Variants in ADAMTS13 observed in about 807,000 individuals in gnomAD.
The protein encoded by ADAMTS13 is ADAM metallopeptidase with thrombospondin type 1 motif 13.
ADAMTS13 carries 110 observed loss-of-function variants against 155.1 expected under a neutral mutation model. The ratio of observed to expected loss-of-function variants is 0.71; its 90% CI spans 0.61 to 0.83. The LOEUF (loss-of-function observed/expected upper bound fraction) is 0.83, where lower values mean the gene tolerates loss of function less well. ADAMTS13 is among the 40% of genes least tolerant of loss of function. The pLI is 0.00. For synonymous variants in ADAMTS13, 758 were observed against 756.4 expected (o/e 1.00, Z -0.03); for missense variants, 1,707 against 1,891.7 (o/e 0.90, Z 1.81).
Position 133,440,955 on chromosome 9 carries a change from G to A in ADAMTS13, c.1968+430G>A, listed in dbSNP as rs928933302. 1.3e-5 allele frequency among the ~76,000 whole-genome samples: 2 copies of A among 152,166 alleles called. No individual in the cohort carries two copies. The highest frequency in any genetic ancestry group is 2.9e-5 in the Non-Finnish European group (2 of 68,030). ...AGGTCCTACTGTGTGGGTTTGTGGG[G>A]AGATGAAGGCATGGACGCAGGTGCA... On this transcript the variant is annotated intron_variant, in intron 16 of 28. Transcript: ENST00000355699. The surrounding 1 kb of genome is among the most constrained non-coding windows in gnomAD (Gnocchi z 4.3).
upstream of ADAMTS13, chr9:133,417,739 T>C (rs1210758777): frequency 3.7e-6 from 6 of 1,613,670 alleles, no homozygotes; most frequent in Non-Finnish European, 5.1e-6. Context: ...TTCCAAAACC[T>C]TTTTTTCTTC....
At chr9:133,437,957 C>CTGGGGGCAGGTTGG in intron 13 of ADAMTS13, 60 bp downstream of exon 13, 4 of 1,609,264 alleles carry the variant, frequency 2.5e-6, no homozygotes, top group Non-Finnish European at 3.4e-6. Flanking sequence ...CGGAAGGCTC[C>CTGGGGGCAGGTTGG]TGGGGGCAGG....
intron 13 of ADAMTS13, 64 bp downstream of exon 13, chr9:133,437,961 G>A: frequency 1.2e-6 from 2 of 1,608,328 alleles, no homozygotes; most frequent in East Asian, 4.5e-5. Context: ...AGGCTCCTGG[G>A]GGCAGGTTGG....
At chr9:133,446,531 G>T (rs1052880895) in intron 21 of ADAMTS13, among the ~76,000 whole-genome samples, 1 of 152,236 alleles carries the variant, frequency 6.6e-6, no homozygotes, top group East Asian at 1.9e-4. Flanking sequence ...GGCTGAAAAA[G>T]ATTCCATTGT....
At chr9:133,415,486 G>A (rs1279831633) in intron 1 of ADAMTS13, among the ~76,000 whole-genome samples, 1 of 151,590 alleles carries the variant, frequency 6.6e-6, no homozygotes, top group African/African-American at 2.4e-5. Flanking sequence ...TGTCATAAAT[G>A]AAAAGAAAAG....
In ADAMTS13 at chr9:133,459,204, G is replaced by A. The variant is rs1554797231; in HGVS notation, c.*24G>A. On this transcript the variant is annotated 3_prime_UTR_variant, in exon 29 of 29. Coordinates refer to ENST00000355699, the MANE Select transcript of ADAMTS13 (RefSeq NM_139027.6). The stretch of plus-strand genomic sequence containing the variant: ...GAGGGTCATTGAACATTTGTTCCGT[G>A]TCTGGCCAGCCCTGGAGGGTTGACC... 6.3e-7 allele frequency: 1 copy of A among 1,585,830 alleles called. No homozygotes were observed. Among genetic ancestry groups the A allele is most frequent in the Non-Finnish European group, 8.6e-7 (1 of 1,165,230 alleles).
Position 133,456,958 on chromosome 9 carries a change from A to C in ADAMTS13, c.3724+239A>C. The C allele has an allele frequency of 1.5e-6, 1 of 652,792 alleles. No homozygotes were observed. The highest frequency in any genetic ancestry group is 2.8e-6 in the Non-Finnish European group (1 of 356,152). 40.4% of individuals were successfully genotyped at this position (652,792 alleles called of 1,614,324 possible). Reference sequence around the variant, plus strand: ...GTGCAGCAAGATGGACGGATGTGGGACATGGTCCACATCCTCAGTCAGTCC... The same window carrying C: ...GTGCAGCAAGATGGACGGATGTGGGCCATGGTCCACATCCTCAGTCAGTCC... On this transcript the variant is annotated intron_variant, in intron 27 of 28. Transcript: ENST00000355699. The surrounding 1 kb of genome is among the most constrained non-coding windows in gnomAD (Gnocchi z 4.4).
intron 13 of ADAMTS13, 146 bp downstream of exon 13, chr9:133,438,043 G>A: frequency 6.6e-7 from 1 of 1,521,034 alleles, no homozygotes; most frequent in South Asian, 1.1e-5. Flanking sequence ...ATCTGGACTT[G>A]GAGTCAGCCT....
At chr9:133,436,115 C>A (rs1046398599) in intron 11 of ADAMTS13, among the ~76,000 whole-genome samples, 2 of 149,978 alleles carry the variant, frequency 1.3e-5, no homozygotes, top group African/African-American at 4.9e-5. Flanking sequence ...TGGCGCCCGG[C>A]CTGTTTTCTG....
chr9:133,456,056 G>A lies in ADAMTS13; in HGVS notation c.3401-13G>A. ...GGGAAGCACTGCTTACCTGTCTCCT[G>A]CTCCCTTTTCAGGTGCCTGTGGCAG... is the stretch of plus-strand genomic sequence containing the variant. On this transcript the variant is annotated splice_polypyrimidine_tract_variant and intron_variant, in intron 25 of 28. Transcript: ENST00000355699. The surrounding 1 kb of genome is among the most constrained non-coding windows in gnomAD (Gnocchi z 4.4). The A allele has an allele frequency of 6.2e-7, 1 of 1,613,164 alleles. No individual in the cohort carries two copies. Among genetic ancestry groups the A allele is most frequent in the Non-Finnish European group, 8.5e-7 (1 of 1,180,026 alleles).
chr9:133,418,815 G>A (rs185456754), upstream of ADAMTS13, among the ~76,000 whole-genome samples: 157 of 152,332 alleles, frequency 1.0e-3, no homozygotes, highest in African/African-American at 3.3e-3. Flanking sequence ...AGGGCGCGGC[G>A]CCGGGCTGTC....
Position 133,441,131 on chromosome 9 carries a change from G to A in ADAMTS13, c.1968+606G>A, listed in dbSNP as rs1841639160. On this transcript the variant is annotated intron_variant, in intron 16 of 28. Coordinates refer to ENST00000355699, the MANE Select transcript of ADAMTS13 (RefSeq NM_139027.6). The surrounding 1 kb of genome is among the most constrained non-coding windows in gnomAD (Gnocchi z 5.0). ...TGCTCGCCCATGTATGTCCCCATTG[G>A]TGCTTCGCTGAGGAAGGCACGTGGA... Among the ~76,000 whole-genome samples the A allele has an allele frequency of 6.6e-6, 1 of 152,174 alleles. No homozygotes were observed. The highest frequency in any genetic ancestry group is 1.5e-5 in the Non-Finnish European group (1 of 68,024).
chr9:133,445,313 A>G lies in ADAMTS13; in HGVS notation c.2610+261A>G, dbSNP rs1466485884. Reference sequence around the variant, plus strand: ...GTGTAATGCAGCTGCTGTGCAGAGAAATGCTGCCAGGCTCCCGCCTGGCGT... The same window carrying G: ...GTGTAATGCAGCTGCTGTGCAGAGAGATGCTGCCAGGCTCCCGCCTGGCGT... On this transcript the variant is annotated intron_variant, in intron 20 of 28. Transcript: ENST00000355699. This position sits in a 1 kb window ranked among gnomAD's most constrained non-coding sequence, Gnocchi z 5.0. Among the ~76,000 whole-genome samples, 1 of 152,150 alleles carries G rather than the reference A, an allele frequency of 6.6e-6. No individual in the cohort carries two copies. Among genetic ancestry groups the G allele is most frequent in the Non-Finnish European group, 1.5e-5 (1 of 67,996 alleles).
rs1841741141 is a variant in ADAMTS13 at position 133,442,446 on chromosome 9, C to G, written c.2016C>G (p.Asp672Glu). ...AGTATGGCAACCTCACCCGCCCAGA[C>G]ATCACCTTCACCTACTTCCAGCCTA... Reference protein sequence around the residue: ...GEEYGNLTRPDITFTYFQPKP... With the variant: ...GEEYGNLTRPEITFTYFQPKP... The change falls in exon 17 of 29, where the codon GAC becomes GAG. Residue 672 changes from aspartate to glutamate, a missense_variant. Transcript: ENST00000355699. 1.2e-6 allele frequency: 2 copies of G among 1,613,922 alleles called. No individual in the cohort carries two copies. Among genetic ancestry groups the G allele is most frequent in the Non-Finnish European group, 1.7e-6 (2 of 1,180,048 alleles).
upstream of ADAMTS13, among the ~76,000 whole-genome samples, chr9:133,419,862 C>T (rs1481542521): frequency 1.3e-5 from 2 of 151,654 alleles, no homozygotes; most frequent in East Asian, 3.9e-4. Context: ...CCTCAGCCTC[C>T]TGGGTAGCTG....
upstream of ADAMTS13, chr9:133,422,022 C>T (rs1839984268): frequency 4.4e-6 from 1 of 227,016 alleles, no homozygotes; most frequent in African/African-American, 2.3e-5. Context: ...TTTGGCACAG[C>T]CTCTCATCTG....
intron 6 of ADAMTS13, among the ~76,000 whole-genome samples, chr9:133,428,052 A>C (rs587758531): frequency 2.6e-5 from 4 of 152,002 alleles, no homozygotes; most frequent in African/African-American, 9.7e-5. Context: ...AGTGGAGTCC[A>C]CCTCCTACCT....
In ADAMTS13 at chr9:133,424,996, G is replaced by T. The variant is rs192351691; in HGVS notation, c.330+518G>T. On this transcript the variant is annotated intron_variant, in intron 3 of 28. Coordinates refer to ENST00000355699, the MANE Select transcript of ADAMTS13 (RefSeq NM_139027.6). This position sits in a 1 kb window ranked among gnomAD's most constrained non-coding sequence, Gnocchi z 4.3. ...TCACTTGAAAGCTGGGGAAGGGCGG[G>T]CAGGGAAGCACTCCCCCACTAGCCG... Among the ~76,000 whole-genome samples, 4 of 152,284 alleles carry T rather than the reference G, an allele frequency of 2.6e-5. No individual in the cohort carries two copies. Among genetic ancestry groups the T allele is most frequent in the Admixed American group, 2.6e-4 (4 of 15,298 alleles).
At position 133,423,624 on chromosome 9, in the gene ADAMTS13, C is replaced by T. The variant is rs368543476; in HGVS notation, c.172+457C>T. Among the ~76,000 whole-genome samples, 18 of 152,320 alleles carry T rather than the reference C, an allele frequency of 1.2e-4. No individual in the cohort carries two copies. The East Asian group carries it at 1.9e-3, about 16-fold the overall frequency. On this transcript the variant is annotated intron_variant, in intron 2 of 28. Transcript: ENST00000355699. ...CCCATGTCTGTGACCTTCTCCGGTG[C>T]GAGCCCCCTTCCCAGTAGGGCCATT... is the stretch of plus-strand genomic sequence containing the variant.
Sources: gnomAD v4.1 joint callset for allele counts (sites outside exome capture counted in the v4.1 genomes callset) on GRCh38, gnomAD v4.1.1 for gene constraint, Gnocchi (gnomAD v3.1) non-coding constraint, MANE v1.5 for transcripts, NCBI Gene and HGNC (gene_info 2026-07-23, HGNC 2026-07-21) for gene names.